Variants in SEMA6D observed in about 807,000 individuals in gnomAD.
SEMA6D encodes semaphorin 6D.
A neutral mutation model predicts 106.6 loss-of-function variants in SEMA6D; 35 were observed. That is an observed-to-expected ratio of 0.33 (90% CI 0.25 to 0.44). The LOEUF (loss-of-function observed/expected upper bound fraction) is 0.44, where lower values mean the gene tolerates loss of function less well. Ranked by LOEUF, SEMA6D falls within the 20% of genes least tolerant of loss-of-function variation. The probability of loss-of-function intolerance (pLI) is 1.00; values close to 1 mark genes in which losing one functional copy is unlikely to be tolerated. For synonymous variants in SEMA6D, 499 were observed against 487.7 expected, an observed-to-expected ratio of 1.02 and a Z score of -0.31; for missense variants, 1,185 against 1,345.9, an observed-to-expected ratio of 0.88 and a Z score of 1.87.
intron 1 of SEMA6D, among the ~76,000 whole-genome samples, chr15:47,211,341 G>A (rs2030000514): frequency 6.6e-6 from 1 of 152,104 alleles, no homozygotes; most frequent in African/African-American, 2.4e-5. Context: ...GCTACATGAT[G>A]TTCTGCTATA....
At position 47,189,357 on chromosome 15, in the gene SEMA6D, C is replaced by T. The variant is rs368020753; in HGVS notation, c.-239+4939C>T. ...TACCACACTTAAATACAGTAGTTAA[C>T]GTTTAAGCACCCACAGGTTGTTTCT... On this transcript the variant is annotated intron_variant, in intron 1 of 19. Coordinates refer to the SEMA6D transcript ENST00000558014. Among the ~76,000 whole-genome samples the T allele has an allele frequency of 9.2e-5, 14 of 152,086 alleles. No individual in the cohort carries two copies. In the East Asian group the frequency reaches 1.3e-3, roughly 15 times the overall value.
At chr15:47,663,852 T>C (rs758723606) in intron 4 of SEMA6D, among the ~76,000 whole-genome samples, 4 of 152,090 alleles carry the variant, frequency 2.6e-5, no homozygotes, top group Admixed American at 1.3e-4. Flanking sequence ...GCTCTTTTGT[T>C]TGGAGATGCA....
intron 1 of SEMA6D, among the ~76,000 whole-genome samples, chr15:47,211,066 C>T (rs1196359265): frequency 6.6e-6 from 1 of 152,040 alleles, no homozygotes; most frequent in Non-Finnish European, 1.5e-5. Flanking sequence ...TGCTACTGTA[C>T]CCTCTGTAGA....
At chr15:47,330,572 A>G (rs1567003092) in intron 1 of SEMA6D, among the ~76,000 whole-genome samples, 1 of 152,168 alleles carries the variant, frequency 6.6e-6, no homozygotes, top group African/African-American at 2.4e-5. Context: ...TAATATCCCA[A>G]TCACCACTCA....
intron 2 of SEMA6D, among the ~76,000 whole-genome samples, chr15:47,444,179 T>C (rs2041962228): frequency 6.6e-6 from 1 of 152,134 alleles, no homozygotes; most frequent in Admixed American, 6.5e-5. Flanking sequence ...ATACAAAGTC[T>C]CATGGAGTTT....
chr15:47,254,044 G>A (rs553295985), intron 1 of SEMA6D, among the ~76,000 whole-genome samples: 6 of 151,020 alleles, frequency 4.0e-5, no homozygotes, highest in Non-Finnish European at 8.9e-5. Flanking sequence ...GTGTTTAATA[G>A]TCTTCATTGT....
At chr15:47,400,447 C>T (rs2040360934) in intron 1 of SEMA6D, among the ~76,000 whole-genome samples, 1 of 148,890 alleles carries the variant, frequency 6.7e-6, no homozygotes, top group Non-Finnish European at 1.5e-5. Flanking sequence ...CGAGATCATG[C>T]CACTGCTCTC....
At chr15:47,757,145 T>C (rs1261474562) in intron 1 of SEMA6D, among the ~76,000 whole-genome samples, 1 of 152,184 alleles carries the variant, frequency 6.6e-6, no homozygotes, top group East Asian at 1.9e-4. Flanking sequence ...ACACTCTTCC[T>C]GGTGAGGGCT....
At chr15:47,437,848 C>T (rs2041769270) in intron 2 of SEMA6D, among the ~76,000 whole-genome samples, 1 of 152,050 alleles carries the variant, frequency 6.6e-6, no homozygotes, top group Non-Finnish European at 1.5e-5. Flanking sequence ...AAAAATAACC[C>T]CTTAAAATTA....
intron 3 of SEMA6D, among the ~76,000 whole-genome samples, chr15:47,596,064 C>A (rs986379763): frequency 6.6e-6 from 1 of 151,874 alleles, no homozygotes; most frequent in Non-Finnish European, 1.5e-5. Flanking sequence ...TCAAAAAAAC[C>A]ATTAGAACTG....
intron 4 of SEMA6D, among the ~76,000 whole-genome samples, chr15:47,671,109 C>T (rs1263925758): frequency 6.6e-6 from 1 of 152,098 alleles, no homozygotes; most frequent in Admixed American, 6.6e-5. Flanking sequence ...CAAAGCAAAT[C>T]TCATTACACA....
chr15:47,519,552 A>G (rs1213618625), intron 3 of SEMA6D, among the ~76,000 whole-genome samples: 1 of 152,228 alleles, frequency 6.6e-6, no homozygotes, highest in Non-Finnish European at 1.5e-5. Context: ...ATGACTTGAA[A>G]ATATGAGACT....
At chr15:47,408,189 A>G (rs1254911942) in intron 1 of SEMA6D, among the ~76,000 whole-genome samples, 1 of 152,178 alleles carries the variant, frequency 6.6e-6, no homozygotes, top group African/African-American at 2.4e-5. Context: ...ATCCTCAGAC[A>G]GGCCTGGGAT....
chr15:47,294,165 A>G (rs1566978382), intron 1 of SEMA6D, among the ~76,000 whole-genome samples: 1 of 151,862 alleles, frequency 6.6e-6, no homozygotes, highest in African/African-American at 2.4e-5. Context: ...CGAAGGAAAA[A>G]CAAAAAAAAA....
chr15:47,399,314 A>C (rs2040321163), intron 1 of SEMA6D: 1 of 152,182 alleles, frequency 6.6e-6, no homozygotes, highest in East Asian at 1.9e-4. Flanking sequence ...TCAGCTCCCA[A>C]CAATCTGCTT....
rs149752647 is a variant in SEMA6D, at chr15:47,662,993, G to C, written c.-55+62097G>C. Among the ~76,000 whole-genome samples, 3 of 152,272 alleles carry C rather than the reference G, an allele frequency of 2.0e-5. No individual in the cohort carries two copies. The East Asian group carries it at 5.8e-4, about 29-fold the overall frequency. ...CAGGAGGAAATAGGCTATACTACAT[G>C]TTGGCAAGAAGTAGGCTGAAAAGGT... On this transcript the variant is annotated intron_variant, in intron 4 of 19. Transcript: ENST00000558014.
chr15:47,599,581 G>A (rs149904661), intron 3 of SEMA6D, among the ~76,000 whole-genome samples: 175 of 152,150 alleles, frequency 1.2e-3, no homozygotes, highest in Admixed American at 2.0e-3. Flanking sequence ...AAGAACCAGT[G>A]CACATATGAT....
intron 1 of SEMA6D, among the ~76,000 whole-genome samples, chr15:47,237,398 G>A (rs1268421928): frequency 6.6e-6 from 1 of 151,996 alleles, no homozygotes; most frequent in African/African-American, 2.4e-5. Flanking sequence ...TGCCACGTTG[G>A]AAATGAGACT....
At chr15:47,508,241 T>G (rs2044112956) in intron 3 of SEMA6D, among the ~76,000 whole-genome samples, 1 of 152,196 alleles carries the variant, frequency 6.6e-6, no homozygotes, top group Admixed American at 6.5e-5. Context: ...ATGGGAGAAT[T>G]GAAAGAAGAA....
Sources: allele counts gnomAD v4.1 joint callset (sites outside exome capture counted in the v4.1 genomes callset), GRCh38; gene constraint gnomAD v4.1.1; transcripts MANE v1.5; gene names NCBI Gene and HGNC (gene_info 2026-07-23, HGNC 2026-07-21).